The following ABRAXAS2 variants were observed in gnomAD, a reference collection of about 807,000 sequenced individuals.
The protein encoded by ABRAXAS2 is abraxas 2, BRISC complex subunit, also known as BRISC complex subunit Abraxas 2.
In ABRAXAS2, 23 loss-of-function variants were observed where a neutral mutation model predicts 49.0. The observed-to-expected ratio is 0.47, with a 90% confidence interval of 0.34 to 0.66. ABRAXAS2 has a LOEUF of 0.66. Among genes scored for constraint, ABRAXAS2 ranks in the 30% least tolerant of loss-of-function variants. The pLI, the probability that ABRAXAS2 is intolerant of heterozygous loss-of-function variation, is 0.01. For synonymous variants in ABRAXAS2, 168 were observed against 180.2 expected (o/e 0.93, Z 0.54); for missense variants, 443 against 511.9 (o/e 0.87, Z 1.30).
chr10:124,819,769 A>G (rs976593634), intron 4 of ABRAXAS2, among the ~76,000 whole-genome samples: 2 of 151,372 alleles, frequency 1.3e-5, no homozygotes, highest in African/African-American at 2.4e-5. Context: ...GCGAGGCTCC[A>G]TCTCAACTTA....
chr10:124,829,248 T>C, intron 6 of ABRAXAS2, 145 bp from the exon 7 acceptor site: 1 of 618,792 alleles, frequency 1.6e-6, no homozygotes, highest in Non-Finnish European at 2.9e-6. Context: ...TCTGTAATTC[T>C]TGTGGTATGG....
Position 124,836,659 on chromosome 10 carries a change from T to G in ABRAXAS2, c.*1688T>G, listed in dbSNP as rs1010346190. The G allele has an allele frequency of 6.6e-6, 1 of 152,618 alleles. No individual in the cohort carries two copies. The highest frequency in any genetic ancestry group is 2.4e-5 in the African/African-American group (1 of 41,446). The allele number at this position is 152,618 out of a possible 1,614,324, so 9.5% of individuals were successfully genotyped here. A position where few individuals can be genotyped will look rare whatever the true frequency, so the allele number is the denominator to read the frequency against. The stretch of plus-strand genomic sequence containing the variant: ...TTAAATGTGACAATAAAAAACTTAT[T>G]TAATCATGGTACCATTGTTTTAATG... On this transcript the variant is annotated 3_prime_UTR_variant, in exon 9 of 9. Coordinates refer to ENST00000298492, the MANE Select transcript of ABRAXAS2 (RefSeq NM_032182.4).
At chr10:124,818,426 C>CAA (rs1950839286) in intron 3 of ABRAXAS2, among the ~76,000 whole-genome samples, 1 of 151,252 alleles carries the variant, frequency 6.6e-6, no homozygotes, top group South Asian at 2.1e-4. Context: ...AGATTAGACT[C>CAA]AGTTATTAGA....
At chr10:124,817,189 G>A (rs1014519189) in intron 3 of ABRAXAS2, among the ~76,000 whole-genome samples, 2 of 152,220 alleles carry the variant, frequency 1.3e-5, no homozygotes, top group South Asian at 4.1e-4. Context: ...ATATTTGAGA[G>A]ATTGACCAAG....
At chr10:124,828,206 A>T (rs574799694) in intron 5 of ABRAXAS2, among the ~76,000 whole-genome samples, 166 of 152,114 alleles carry the variant, frequency 1.1e-3, no homozygotes, top group African/African-American at 3.9e-3. Context: ...TATTATTACT[A>T]TTATTTTGGA....
chr10:124,827,483 CGG>C (rs1000124484), intron 5 of ABRAXAS2, among the ~76,000 whole-genome samples: 2 of 151,882 alleles, frequency 1.3e-5, no homozygotes, highest in Non-Finnish European at 2.9e-5. Context: ...TTTGTGGTTA[CGG>C]AAGGTATTTT....
At chr10:124,802,707 A>G (rs1463325184) in intron 1 of ABRAXAS2, among the ~76,000 whole-genome samples, 2 of 152,226 alleles carry the variant, frequency 1.3e-5, no homozygotes, top group South Asian at 2.1e-4. Flanking sequence ...AAGGAGGTAT[A>G]TAATTTGGCC....
At chr10:124,819,080 C>A (rs530096446) in intron 3 of ABRAXAS2, among the ~76,000 whole-genome samples, 1 of 152,142 alleles carries the variant, frequency 6.6e-6, no homozygotes, top group Admixed American at 6.5e-5. Flanking sequence ...GTAATTGATA[C>A]CTAGAAACAA....
chr10:124,804,352 T>TA (rs1261589007), intron 1 of ABRAXAS2, among the ~76,000 whole-genome samples: 3 of 152,220 alleles, frequency 2.0e-5, no homozygotes, highest in Admixed American at 6.5e-5. Flanking sequence ...TCCCAAAACT[T>TA]ACAAAATAAT....
At chr10:124,822,200 T>G (rs941900019) in intron 4 of ABRAXAS2, among the ~76,000 whole-genome samples, 1 of 152,232 alleles carries the variant, frequency 6.6e-6, no homozygotes, top group Middle Eastern at 3.4e-3. Flanking sequence ...TTCCATACTA[T>G]GGGAGATGAA....
chr10:124,824,545 A>G lies in ABRAXAS2; in HGVS notation c.268-2050A>G, dbSNP rs115534584. On this transcript the variant is annotated intron_variant, in intron 4 of 8. Transcript: ENST00000298492. ...TCCATCTCAAAAACCAAAAAAAAAA[A>G]AAAACAAAACAAAGGCAGCTAGGAA... Among the ~76,000 whole-genome samples, 54 of 152,110 alleles carry G rather than the reference A, an allele frequency of 3.6e-4. No individual in the cohort carries two copies. The South Asian group carries it at 0.011, about 30-fold the overall frequency.
At chr10:124,825,260 G>A (rs1311197776) in intron 4 of ABRAXAS2, among the ~76,000 whole-genome samples, 1 of 146,716 alleles carries the variant, frequency 6.8e-6, no homozygotes, top group Admixed American at 7.1e-5. Flanking sequence ...GGAGGTTGCT[G>A]TGAGCCGAGA....
intron 2 of ABRAXAS2, 83 bp from the exon 3 acceptor site, chr10:124,816,493 T>TAA (rs11451694): frequency 0.028 from 16,924 of 602,822 alleles, no homozygotes; most frequent in Non-Finnish European, 0.034. Flanking sequence ...AGATTTTGAT[T>TAA]AAAAAAAAAA....
chr10:124,801,849 G>C lies in ABRAXAS2; in HGVS notation c.20G>C (p.Gly7Ala). MAASIS[G>A]YTFSAVCFHS... Reference sequence around the variant, plus strand: ...TCCATCATGGCGGCGTCCATTTCGGGCTACACCTTCAGTGCTGTGTGTTTC... The same window carrying C: ...TCCATCATGGCGGCGTCCATTTCGGCCTACACCTTCAGTGCTGTGTGTTTC... Residue 7 changes from glycine to alanine, a missense_variant, in exon 1 of 9, where the codon GGC (glycine) becomes GCC (alanine). Gly to Ala is a moderately conservative substitution (Grantham distance 60). Transcript: ENST00000298492. 1 of 1,613,396 alleles carries C rather than the reference G, an allele frequency of 6.2e-7. No homozygotes were observed. Among genetic ancestry groups the C allele is most frequent in the Non-Finnish European group, 8.5e-7 (1 of 1,179,798 alleles).
At chr10:124,810,887 G>A (rs1372196929) in intron 2 of ABRAXAS2, among the ~76,000 whole-genome samples, 1 of 150,874 alleles carries the variant, frequency 6.6e-6, no homozygotes, top group Non-Finnish European at 1.5e-5. Context: ...GCCCATCTAG[G>A]GTGTTTTTAT....
chr10:124,817,502 C>T (rs1277156380), intron 3 of ABRAXAS2, among the ~76,000 whole-genome samples: 1 of 152,092 alleles, frequency 6.6e-6, no homozygotes, highest in Non-Finnish European at 1.5e-5. Context: ...CATAAAACTC[C>T]CCGAGACCCA....
In ABRAXAS2 at chr10:124,822,358, GAT is replaced by G. The variant is rs1308534983; in HGVS notation, c.267+2909_267+2910del. Among the ~76,000 whole-genome samples, 5 of 152,284 alleles carry G rather than the reference GAT, an allele frequency of 3.3e-5. No individual in the cohort carries two copies. The East Asian group carries it at 9.6e-4, about 29-fold the overall frequency. On this transcript the variant is annotated intron_variant, in intron 4 of 8. Coordinates refer to ENST00000298492, the MANE Select transcript of ABRAXAS2 (RefSeq NM_032182.4). ...GTGGGTGTTCAAATACACAGGAAAC[GAT>G]CTGAAAGGATGCTAGTCAGACTTGG...
intron 2 of ABRAXAS2, among the ~76,000 whole-genome samples, chr10:124,808,796 A>G (rs1309953016): frequency 6.6e-6 from 1 of 152,186 alleles, no homozygotes; most frequent in Non-Finnish European, 1.5e-5. Flanking sequence ...TCATATGACT[A>G]AAATACAGAA....
intron 4 of ABRAXAS2, among the ~76,000 whole-genome samples, chr10:124,822,672 A>G (rs1005389770): frequency 2.0e-5 from 3 of 151,978 alleles, no homozygotes; most frequent in Non-Finnish European, 4.4e-5. Flanking sequence ...GATGCCTGTA[A>G]TCCCAGCTAC....
Sources: allele counts gnomAD v4.1 joint callset (sites outside exome capture counted in the v4.1 genomes callset), GRCh38; gene constraint gnomAD v4.1.1; transcripts MANE v1.5; gene names NCBI Gene and HGNC (gene_info 2026-07-23, HGNC 2026-07-21).